The following LACTB2 variants were observed in gnomAD, a reference collection of about 807,000 sequenced individuals.
LACTB2 encodes the protein endoribonuclease LACTB2.
A neutral mutation model predicts 34.8 loss-of-function variants in LACTB2; 32 were observed. The observed-to-expected ratio is 0.92, with a 90% CI of 0.69 to 1.24. LACTB2 has a LOEUF of 1.24. Among genes scored for constraint, LACTB2 ranks in the 50% most tolerant of loss-of-function variants. The pLI is 0.00. For missense variants in LACTB2, 320 were observed against 345.0 expected, an observed-to-expected ratio of 0.93 and a Z score of 0.57; for synonymous variants, 120 against 117.5, an observed-to-expected ratio of 1.02 and a Z score of -0.14.
intron 1 of LACTB2, among the ~76,000 whole-genome samples, chr8:70,667,860 C>G (rs1818553383): frequency 6.6e-6 from 1 of 152,128 alleles, no homozygotes; most frequent in Admixed American, 6.5e-5. Context: ...CATCTTTTGT[C>G]TGAGGTATTG....
At chr8:70,666,716 A>G (rs1456227612) in intron 1 of LACTB2, among the ~76,000 whole-genome samples, 2 of 152,258 alleles carry the variant, frequency 1.3e-5, no homozygotes, top group African/African-American at 4.8e-5. Flanking sequence ...ACTGAGTGAC[A>G]GCAGGGGACA....
intron 4 of LACTB2, among the ~76,000 whole-genome samples, chr8:70,642,887 A>C (rs1818217100): frequency 6.6e-6 from 1 of 152,212 alleles, no homozygotes; most frequent in Non-Finnish European, 1.5e-5. Flanking sequence ...AAATAAAGAT[A>C]CCATTTTATA....
chr8:70,650,945 C>T (rs993517871), intron 3 of LACTB2, among the ~76,000 whole-genome samples: 1 of 151,648 alleles, frequency 6.6e-6, no homozygotes, highest in South Asian at 2.1e-4. Context: ...ATTATAAGAT[C>T]CCTGAAAATC....
chr8:70,643,639 C>T (rs1021877562), intron 4 of LACTB2, among the ~76,000 whole-genome samples: 8 of 151,948 alleles, frequency 5.3e-5, no homozygotes, highest in Non-Finnish European at 1.2e-4. Flanking sequence ...CTCAGCCTCC[C>T]AAGTAGCTGG....
At chr8:70,667,724 A>T (rs954771888) in intron 1 of LACTB2, among the ~76,000 whole-genome samples, 1 of 152,186 alleles carries the variant, frequency 6.6e-6, no homozygotes, top group Admixed American at 6.5e-5. Context: ...CTGGTTTTCA[A>T]ACAGAATCAG....
chr8:70,640,260 CACAAAAGCTT>C (rs1818179579), intron 5 of LACTB2, among the ~76,000 whole-genome samples: 1 of 152,154 alleles, frequency 6.6e-6, no homozygotes, highest in African/African-American at 2.4e-5. Flanking sequence ...CACGCCTGGC[CACAAAAGCTT>C]ACATTTTTAA....
intron 1 of LACTB2, among the ~76,000 whole-genome samples, chr8:70,666,954 C>T (rs1382287206): frequency 1.3e-5 from 2 of 151,976 alleles, no homozygotes; most frequent in African/African-American, 4.8e-5. Context: ...GTCTGAAGAT[C>T]AAGTTTGGAA....
At chr8:70,662,616 G>A (rs1165821687) in intron 1 of LACTB2, 2 of 151,984 alleles carry the variant, frequency 1.3e-5, no homozygotes, top group African/African-American at 4.8e-5. Flanking sequence ...CCTTCCTCAC[G>A]ATTTTATGAG....
intron 3 of LACTB2, among the ~76,000 whole-genome samples, chr8:70,655,831 T>A (rs1434429424): frequency 6.6e-6 from 1 of 152,126 alleles, no homozygotes; most frequent in Non-Finnish European, 1.5e-5. Context: ...GTAGAAAGTG[T>A]CCCCTGTTCA....
intron 2 of LACTB2, 26 bp downstream of exon 2, chr8:70,661,708 G>A (rs200225658): frequency 2.5e-5 from 39 of 1,590,416 alleles, no homozygotes; most frequent in Admixed American, 1.6e-4. Context: ...TTTCCTCAAT[G>A]AGCTTAATGA....
chr8:70,638,525 A>G, intron 6 of LACTB2, 23 bp downstream of exon 6: 1 of 1,525,478 alleles, frequency 6.6e-7, no homozygotes, highest in South Asian at 1.2e-5. Flanking sequence ...TGGTAATAGA[A>G]GAAAATTTGG....
chr8:70,642,371 A>T (rs993711566), intron 4 of LACTB2, among the ~76,000 whole-genome samples: 5 of 152,108 alleles, frequency 3.3e-5, no homozygotes, highest in African/African-American at 1.2e-4. Flanking sequence ...CAGAGTGTAA[A>T]TGTGTTGAAG....
At chr8:70,663,627 T>C (rs1818505719) in intron 1 of LACTB2, among the ~76,000 whole-genome samples, 1 of 151,840 alleles carries the variant, frequency 6.6e-6, no homozygotes, top group Non-Finnish European at 1.5e-5. Context: ...AACAACGAGA[T>C]GTGGAAGGAG....
At chr8:70,643,958 G>A (rs1818231459) in intron 4 of LACTB2, 107 bp downstream of exon 4, 2 of 1,176,882 alleles carry the variant, frequency 1.7e-6, no homozygotes, top group African/African-American at 3.1e-5. Flanking sequence ...AGGTTGAGGT[G>A]GGAGGACTGC....
At position 70,669,136 on chromosome 8, in the gene LACTB2, C is replaced by T. The variant is rs374593286; in HGVS notation, c.-16G>A. The T allele has an allele frequency of 5.0e-6, 8 of 1,611,580 alleles. No individual in the cohort carries two copies. The African/African-American group carries it at 8.0e-5, about 16-fold the overall frequency. Reference sequence around the variant, plus strand: ...CAGCAGCCATTCCCGCCTCAGCCGCCCGCCGGCGTGTCGCCTATCTGGATA... The same window carrying T: ...CAGCAGCCATTCCCGCCTCAGCCGCTCGCCGGCGTGTCGCCTATCTGGATA... On this transcript the variant is annotated 5_prime_UTR_variant, in exon 1 of 7. Transcript: ENST00000276590.
chr8:70,663,924 A>G (rs1444839457), intron 1 of LACTB2, among the ~76,000 whole-genome samples: 1 of 152,230 alleles, frequency 6.6e-6, no homozygotes. Context: ...TGGTTCAAGG[A>G]ATTTATGGAT....
At chr8:70,660,384 C>G (rs1421670451) in intron 2 of LACTB2, 4 of 355,972 alleles carry the variant, frequency 1.1e-5, no homozygotes. Flanking sequence ...TACACAGTCC[C>G]CTTAGATTGG....
At chr8:70,655,407 A>G (rs553511543) in intron 3 of LACTB2, among the ~76,000 whole-genome samples, 363 of 152,034 alleles carry the variant, frequency 2.4e-3, no homozygotes, top group African/African-American at 8.5e-3. Context: ...TTTTTAGTAG[A>G]GACAGGGTTT....
At chr8:70,650,215 G>A (rs987702467) in intron 3 of LACTB2, among the ~76,000 whole-genome samples, 1 of 152,038 alleles carries the variant, frequency 6.6e-6, no homozygotes, top group Non-Finnish European at 1.5e-5. Context: ...ACTCGTTTAG[G>A]CCAACCTTAT....
Sources: gnomAD v4.1 joint callset for allele counts (sites outside exome capture counted in the v4.1 genomes callset) on GRCh38, gnomAD v4.1.1 for gene constraint, MANE v1.5 for transcripts, NCBI Gene and HGNC (gene_info 2026-07-23, HGNC 2026-07-21) for gene names.